Variants in CRISP1 observed in about 807,000 individuals in gnomAD.
CRISP1 encodes cysteine rich secretory protein 1, also known as cysteine-rich secretory protein 1.
CRISP1 carries 44 observed loss-of-function variants against 33.1 expected under a neutral mutation model. The observed-to-expected ratio is 1.33, with a 90% CI of 1.05 to 1.71. CRISP1 has a LOEUF of 1.71. Ranked by LOEUF, CRISP1 falls within the 40% of genes most tolerant of loss-of-function variation. The pLI, the probability that CRISP1 is intolerant of heterozygous loss-of-function variation, is 0.00. For missense variants in CRISP1, 390 were observed against 301.2 expected, an observed-to-expected ratio of 1.29 and a Z score of -2.18; for synonymous variants, 103 against 98.7, an observed-to-expected ratio of 1.04 and a Z score of -0.26.
rs761373495 is a variant in CRISP1, at chr6:49,852,049, G to A, written c.147C>T (p.Asn49=). 155 of 1,612,944 alleles carry A rather than the reference G, an allele frequency of 9.6e-5. 1 individual carries two copies. In the East Asian group the frequency reaches 1.6e-3, roughly 16 times the overall value. Reference sequence around the variant, plus strand: ...GTGGAACTACTCTTCTCCTGAGGGCGTTGTGTATATTAACGATCTCTTCTT... The same window carrying A: ...GTGGAACTACTCTTCTCCTGAGGGCATTGTGTATATTAACGATCTCTTCTT... The part of the protein sequence containing the change: ...NVQEEIVNIH[N]ALRRRVVPPA... The change falls in exon 3 of 8, where the codon AAC becomes AAT. Residue 49 remains asparagine, a synonymous_variant. Transcript: ENST00000335847.
upstream of CRISP1, among the ~76,000 whole-genome samples, chr6:49,868,454 T>A (rs1582287311): frequency 2.6e-5 from 4 of 152,280 alleles, no homozygotes; most frequent in South Asian, 8.3e-4. Context: ...GTGTTTACAA[T>A]CACATCATGT....
At chr6:49,838,613 C>T (rs1770882495) in intron 6 of CRISP1, 88 bp from the exon 7 acceptor site, 2 of 894,514 alleles carry the variant, frequency 2.2e-6, no homozygotes, top group African/African-American at 3.4e-5. Context: ...ATTTTAAAAA[C>T]AAATTGTGTA....
In CRISP1 at chr6:49,871,970, G is replaced by A. The variant is rs528260608; in HGVS notation, c.-3+5039C>T. 2.4e-3 allele frequency among the ~76,000 whole-genome samples: 371 copies of A among 152,064 alleles called. 2 individuals are homozygous for A. The highest frequency in any genetic ancestry group is 8.4e-3 in the African/African-American group (348 of 41,492). On this transcript the variant is annotated intron_variant, in intron 1 of 7. Transcript: ENST00000505118. Reference sequence around the variant, plus strand: ...TCTAGTTCTAGATCCCTGAGGAATCGCCACACTGACTTCCACAATGGTTGA... The same window carrying A: ...TCTAGTTCTAGATCCCTGAGGAATCACCACACTGACTTCCACAATGGTTGA...
rs141834671 is a variant in CRISP1 at position 49,839,897 on chromosome 6, G to A, written c.533+1001C>T. ...CTGAATCAATAGTGATAGTGGTGGC[G>A]CCACTGAAAATGTGAAGTATGGCAG... On this transcript the variant is annotated intron_variant, in intron 6 of 7. Transcript: ENST00000335847. Among the ~76,000 whole-genome samples the A allele has an allele frequency of 5.1e-3, 777 of 152,196 alleles. 11 individuals are homozygous for A. Among genetic ancestry groups the A allele is most frequent in the African/African-American group, 0.018 (730 of 41,520 alleles).
chr6:49,847,620 C>T (rs946691781), intron 4 of CRISP1, among the ~76,000 whole-genome samples: 1 of 152,142 alleles, frequency 6.6e-6, no homozygotes, highest in African/African-American at 2.4e-5. Flanking sequence ...AATGAAATCT[C>T]TTCTTAATAA....
intron 1 of CRISP1, among the ~76,000 whole-genome samples, chr6:49,863,375 T>C (rs912640257): frequency 2.6e-5 from 4 of 152,182 alleles, no homozygotes; most frequent in African/African-American, 4.8e-5. Flanking sequence ...AGGAATTACA[T>C]AGCTGCTTGA....
intron 1 of CRISP1, among the ~76,000 whole-genome samples, chr6:49,865,635 G>C (rs1340708120): frequency 1.3e-5 from 2 of 152,118 alleles, no homozygotes; most frequent in African/African-American, 4.8e-5. Context: ...AGCAGTTTTG[G>C]AGAGAATAAT....
chr6:49,873,697 C>T (rs1323906709), intron 1 of CRISP1, among the ~76,000 whole-genome samples: 3 of 151,926 alleles, frequency 2.0e-5, no homozygotes, highest in Non-Finnish European at 4.4e-5. Context: ...TTATGTATTG[C>T]TTATATTATT....
intron 7 of CRISP1, among the ~76,000 whole-genome samples, chr6:49,836,364 C>CT (rs1770792836): frequency 6.8e-6 from 1 of 147,426 alleles, no homozygotes; most frequent in African/African-American, 2.5e-5. Flanking sequence ...GAGACGGAGT[C>CT]TCGCTCTGTG....
upstream of CRISP1, among the ~76,000 whole-genome samples, chr6:49,867,586 G>C (rs528958952): frequency 6.6e-6 from 1 of 151,972 alleles, no homozygotes; most frequent in Non-Finnish European, 1.5e-5. Context: ...TTAAAAGAAA[G>C]ATCAGAGTCT....
chr6:49,836,493 G>A (rs962971532), intron 7 of CRISP1, among the ~76,000 whole-genome samples: 1 of 151,198 alleles, frequency 6.6e-6, no homozygotes, highest in African/African-American at 2.4e-5. Context: ...CCGCCATCAC[G>A]CCCTGCTAAT....
chr6:49,857,501 T>C (rs997386388), intron 1 of CRISP1, 99 bp from the exon 2 acceptor site: 2 of 1,171,298 alleles, frequency 1.7e-6, no homozygotes, highest in African/African-American at 3.1e-5. Context: ...TTGCATTTTT[T>C]TTCCTAAAAG....
Position 49,857,364 on chromosome 6 carries a change from C to G in CRISP1, c.37G>C (p.Ala13Pro). 6.2e-7 allele frequency: 1 copy of G among 1,613,032 alleles called. No individual in the cohort carries two copies. ...IKHLLFLVAA[A>P]CLLPMLSMKK... ...ATGGACAACATAGGCAGTAAGCAAGCAGCAGCAACCAAAAACAAGAGGTGT... is the reference window on the plus strand; with the variant it reads ...ATGGACAACATAGGCAGTAAGCAAGGAGCAGCAACCAAAAACAAGAGGTGT... The change falls in exon 2 of 8, where the codon GCT becomes CCT. Residue 13 changes from alanine (A) to proline (P), a missense_variant. Physicochemically the swap from Ala to Pro is conservative, Grantham distance 27 (BLOSUM62 -1). Transcript: ENST00000335847.
At chr6:49,872,242 G>A (rs1436241605) in intron 1 of CRISP1, among the ~76,000 whole-genome samples, 1 of 151,490 alleles carries the variant, frequency 6.6e-6, no homozygotes, top group Non-Finnish European at 1.5e-5. Context: ...CTTTTTGATG[G>A]GGTTGTTTGT....
At chr6:49,865,023 T>C (rs989778223) in intron 1 of CRISP1, among the ~76,000 whole-genome samples, 1 of 152,176 alleles carries the variant, frequency 6.6e-6, no homozygotes, top group Admixed American at 6.6e-5. Context: ...CATTTTCTTC[T>C]ATAAGATAGA....
At chr6:49,854,490 C>T (rs1771438947) in intron 2 of CRISP1, among the ~76,000 whole-genome samples, 1 of 152,132 alleles carries the variant, frequency 6.6e-6, no homozygotes, top group Admixed American at 6.5e-5. Flanking sequence ...GCCTCAGCCC[C>T]CCAGTAGCTA....
intron 2 of CRISP1, among the ~76,000 whole-genome samples, chr6:49,853,254 C>T (rs1771403642): frequency 6.6e-6 from 1 of 152,094 alleles, no homozygotes; most frequent in Non-Finnish European, 1.5e-5. Flanking sequence ...CTCCTTGCTC[C>T]TCTCAAAATC....
At chr6:49,849,783 T>A (rs1481225673) in intron 3 of CRISP1, among the ~76,000 whole-genome samples, 1 of 152,092 alleles carries the variant, frequency 6.6e-6, no homozygotes, top group Non-Finnish European at 1.5e-5. Flanking sequence ...GAATTACCCT[T>A]GGGGTTGATG....
intron 2 of CRISP1, among the ~76,000 whole-genome samples, chr6:49,854,385 T>C (rs971855044): frequency 5.9e-5 from 9 of 152,192 alleles, no homozygotes; most frequent in African/African-American, 2.2e-4. Context: ...ATCTCTTTTT[T>C]TGAGAAGAAG....
Sources: gnomAD v4.1 joint callset for allele counts (sites outside exome capture counted in the v4.1 genomes callset) on GRCh38, gnomAD v4.1.1 for gene constraint, MANE v1.5 for transcripts, NCBI Gene and HGNC (gene_info 2026-07-23, HGNC 2026-07-21) for gene names.